The following GALNT18 variants were observed in gnomAD, a reference collection of about 807,000 sequenced individuals.
The protein encoded by GALNT18 is polypeptide N-acetylgalactosaminyltransferase 18, also known as GalNAc-transferase 18.
A neutral mutation model predicts 69.5 loss-of-function variants in GALNT18; 44 were observed. The ratio of observed to expected loss-of-function variants is 0.63; its 90% CI spans 0.50 to 0.81. The LOEUF is 0.81. GALNT18 is among the 40% of genes least tolerant of loss of function. GALNT18 has a pLI of 0.00. For synonymous variants in GALNT18, 364 were observed against 318.2 expected (o/e 1.14, Z -1.53); for missense variants, 715 against 810.0 (o/e 0.88, Z 1.42).
intron 1 of GALNT18, among the ~76,000 whole-genome samples, chr11:11,585,859 T>TG (rs1473116100): frequency 6.6e-6 from 1 of 151,292 alleles, no homozygotes; most frequent in Non-Finnish European, 1.5e-5. Context: ...ACTGAATGTT[T>TG]GTGGCCCCCC....
At chr11:11,569,846 C>G (rs1042005175) in intron 1 of GALNT18, among the ~76,000 whole-genome samples, 3 of 151,838 alleles carry the variant, frequency 2.0e-5, no homozygotes, top group Non-Finnish European at 4.4e-5. Context: ...TTTGGGGTAG[C>G]CATAGGAGAA....
chr11:11,512,743 C>A (rs999824478), intron 1 of GALNT18, among the ~76,000 whole-genome samples: 4 of 152,180 alleles, frequency 2.6e-5, no homozygotes, highest in African/African-American at 9.6e-5. Flanking sequence ...GGCCTGGGCT[C>A]GTTATGTGCC....
Position 11,270,978 on chromosome 11 carries a change from C to T in GALNT18, c.*166G>A, listed in dbSNP as rs549621625. On this transcript the variant is annotated 3_prime_UTR_variant, in exon 11 of 11. Coordinates refer to ENST00000227756, the MANE Select transcript of GALNT18 (RefSeq NM_198516.3). The stretch of plus-strand genomic sequence containing the variant: ...TATCATACCATCACCTACCAATCAG[C>T]ATCTTTCTATAAACTCCATGAAAAT... The T allele has an allele frequency of 3.7e-5, 21 of 560,358 alleles. No homozygotes were observed. Among genetic ancestry groups the T allele is most frequent in the Non-Finnish European group, 6.2e-5 (20 of 324,312 alleles). The allele number at this position is 560,358 out of a possible 1,614,324, so 34.7% of individuals were successfully genotyped here. A position where few individuals can be genotyped will look rare whatever the true frequency, so the allele number is the denominator to read the frequency against.
At chr11:11,375,978 C>T (rs1021295435) in intron 5 of GALNT18, among the ~76,000 whole-genome samples, 12 of 152,196 alleles carry the variant, frequency 7.9e-5, no homozygotes, top group Non-Finnish European at 1.5e-4. Flanking sequence ...ACATGAGCTT[C>T]TAATCTCTTG....
intron 1 of GALNT18, among the ~76,000 whole-genome samples, chr11:11,570,608 C>T (rs1858770527): frequency 6.6e-6 from 1 of 152,240 alleles, no homozygotes; most frequent in African/African-American, 2.4e-5. Flanking sequence ...TCAAAGCTCC[C>T]CCTGGCCACC....
chr11:11,285,922 C>G (rs747209834), intron 10 of GALNT18, among the ~76,000 whole-genome samples: 3 of 152,242 alleles, frequency 2.0e-5, no homozygotes, highest in Non-Finnish European at 2.9e-5. Flanking sequence ...TGTCCCTTGA[C>G]AGGCAACTTT....
chr11:11,545,524 T>G (rs1284821638), intron 1 of GALNT18, among the ~76,000 whole-genome samples: 1 of 152,220 alleles, frequency 6.6e-6, no homozygotes, highest in Admixed American at 6.5e-5. Context: ...CACATTCAGA[T>G]AAGCGCGTGC....
chr11:11,461,093 C>A lies in GALNT18; in HGVS notation c.236-12157G>T, dbSNP rs558967769. Among the ~76,000 whole-genome samples the A allele has an allele frequency of 6.6e-6, 1 of 152,228 alleles. No individual in the cohort carries two copies. The highest frequency in any genetic ancestry group is 2.4e-5 in the African/African-American group (1 of 41,526). ...GTTCAGTCCGGGCTGACATGGCAGA[C>A]AAAGGACAGGAAGACATCTGACTCT... On this transcript the variant is annotated intron_variant, in intron 1 of 10. Coordinates refer to ENST00000227756, the MANE Select transcript of GALNT18 (RefSeq NM_198516.3). The surrounding 1 kb of genome is among the most constrained non-coding windows in gnomAD (Gnocchi z 4.1).
intron 1 of GALNT18, among the ~76,000 whole-genome samples, chr11:11,472,330 G>A (rs1364507628): frequency 6.6e-6 from 1 of 152,176 alleles, no homozygotes; most frequent in Non-Finnish European, 1.5e-5. Context: ...GGGGACAGGG[G>A]TACCGCAGGG....
chr11:11,406,461 G>T (rs1169994900), intron 3 of GALNT18, among the ~76,000 whole-genome samples: 1 of 152,178 alleles, frequency 6.6e-6, no homozygotes, highest in East Asian at 1.9e-4. Flanking sequence ...TAAATGAACT[G>T]AAAGCTGGTA....
At chr11:11,272,615 C>CT (rs1848850828) in intron 10 of GALNT18, among the ~76,000 whole-genome samples, 1 of 152,248 alleles carries the variant, frequency 6.6e-6, no homozygotes, top group Non-Finnish European at 1.5e-5. Context: ...GGTTCCTGCA[C>CT]TTTAAGCAAG....
At position 11,475,198 on chromosome 11, in the gene GALNT18, T is replaced by A. The variant is rs1243701973; in HGVS notation, c.236-26262A>T. 5 of 6,622 alleles carry A rather than the reference T, an allele frequency of 7.6e-4. No homozygotes were observed. In the South Asian group the frequency reaches 0.29, roughly 378 times the overall value. 0.4% of individuals were successfully genotyped at this position (6,622 alleles called of 1,614,324 possible). A position where few individuals can be genotyped will look rare whatever the true frequency, so the allele number is the denominator to read the frequency against. The stretch of plus-strand genomic sequence containing the variant: ...AAGATCTCTTCTTTCTTTTTTCTTA[T>A]AACTACTTCGTGCCATTTCTCTCCA... On this transcript the variant is annotated intron_variant, in intron 1 of 10. Transcript: ENST00000227756.
rs72858998 is a variant in GALNT18 at position 11,435,166 on chromosome 11, T to C, written c.429-2379A>G. On this transcript the variant is annotated intron_variant, in intron 2 of 10. Coordinates refer to ENST00000227756, the MANE Select transcript of GALNT18 (RefSeq NM_198516.3). This position sits in a 1 kb window ranked among gnomAD's most constrained non-coding sequence, Gnocchi z 4.4. ...ACTTTGCTTCTGTATCTCTCTGCAC[T>C]TCCCCACGGGGTCTGCACTGCGTTC... 0.12 allele frequency among the ~76,000 whole-genome samples: 18,099 copies of C among 152,254 alleles called. 1,719 individuals carry two copies. Among genetic ancestry groups the C allele is most frequent in the Admixed American group, 0.32 (4,883 of 15,294 alleles).
chr11:11,272,684 T>C (rs1006024166), intron 10 of GALNT18, among the ~76,000 whole-genome samples: 5 of 152,214 alleles, frequency 3.3e-5, no homozygotes, highest in Admixed American at 2.0e-4. Flanking sequence ...GCTGCAACCA[T>C]GTATCAAAGC....
In GALNT18 at chr11:11,490,229, T is replaced by TAACACACA. The variant is rs1476845503; in HGVS notation, c.236-41294_236-41293insTGTGTGTT. On this transcript the variant is annotated intron_variant, in intron 1 of 10. Transcript: ENST00000227756. The stretch of plus-strand genomic sequence containing the variant: ...CTCTCTCTCTCTCTCTCTCTCTCTC[T>TAACACACA]CTCTAACACACACACACACACACAC... Among the ~76,000 whole-genome samples the TAACACACA allele has an allele frequency of 5.4e-3, 379 of 70,160 alleles. 2 individuals are homozygous for TAACACACA. The highest frequency in any genetic ancestry group is 0.017 in the African/African-American group (289 of 17,130). The allele number at this position is 70,160 out of a possible 152,430, so 46.0% of individuals were successfully genotyped here.
At position 11,459,831 on chromosome 11, in the gene GALNT18, C is replaced by T. The variant is rs894721496; in HGVS notation, c.236-10895G>A. ...TTGACAATGCAGACATGCTATCTTACAGTTCTGAAAGTAAGAAGTCTGACA... is the reference window on the plus strand; with the variant it reads ...TTGACAATGCAGACATGCTATCTTATAGTTCTGAAAGTAAGAAGTCTGACA... On this transcript the variant is annotated intron_variant, in intron 1 of 10. Transcript: ENST00000227756. This position sits in a 1 kb window ranked among gnomAD's most constrained non-coding sequence, Gnocchi z 5.0. 1.2e-4 allele frequency among the ~76,000 whole-genome samples: 19 copies of T among 152,180 alleles called. No homozygotes were observed. Among genetic ancestry groups the T allele is most frequent in the African/African-American group, 1.7e-4 (7 of 41,446 alleles).
At chr11:11,551,106 CA>C (rs963839852) in intron 1 of GALNT18, among the ~76,000 whole-genome samples, 13 of 148,300 alleles carry the variant, frequency 8.8e-5, no homozygotes, top group African/African-American at 3.2e-4. Context: ...AAAAAAAGCC[CA>C]GAAGAAAATA....
chr11:11,345,182 C>G (rs1850281047), intron 6 of GALNT18, among the ~76,000 whole-genome samples: 1 of 152,166 alleles, frequency 6.6e-6, no homozygotes, highest in African/African-American at 2.4e-5. Context: ...TGAAAGGGCA[C>G]TCATCTATAG....
chr11:11,484,908 G>C (rs1350974925), intron 1 of GALNT18, among the ~76,000 whole-genome samples: 1 of 152,178 alleles, frequency 6.6e-6, no homozygotes, highest in Non-Finnish European at 1.5e-5. Context: ...GGAGCAGCCA[G>C]GGCCAGGCAG....
Sources: gnomAD v4.1 joint callset for allele counts (sites outside exome capture counted in the v4.1 genomes callset) on GRCh38, gnomAD v4.1.1 for gene constraint, Gnocchi (gnomAD v3.1) non-coding constraint, MANE v1.5 for transcripts, NCBI Gene and HGNC (gene_info 2026-07-23, HGNC 2026-07-21) for gene names.